CDK19: variants seen among roughly 807,000 people sequenced by gnomAD.
CDK19 encodes cyclin-dependent kinase 19.
CDK19 carries 20 observed loss-of-function variants against 68.3 expected under a neutral mutation model. The observed-to-expected ratio is 0.29, with a 90% CI of 0.21 to 0.43. CDK19 has a LOEUF of 0.43. Among genes scored for constraint, CDK19 ranks in the 20% least tolerant of loss-of-function variants. CDK19 has a pLI of 1.00. For missense variants in CDK19, 339 were observed against 623.5 expected (o/e 0.54, Z 4.86); for synonymous variants, 221 against 222.8 (o/e 0.99, Z 0.07).
Position 110,815,288 on chromosome 6 carries a change from C to T in CDK19, c.-152G>A. The T allele has an allele frequency of 1.2e-6, 1 of 860,552 alleles. No individual in the cohort carries two copies. Among genetic ancestry groups the T allele is most frequent in the East Asian group, 3.5e-5 (1 of 28,800 alleles). The allele number at this position is 860,552 out of a possible 1,614,324, so 53.3% of individuals were successfully genotyped here. On this transcript the variant is annotated 5_prime_UTR_variant, in exon 1 of 13. Transcript: ENST00000368911. The stretch of plus-strand genomic sequence containing the variant: ...CGCCGCCCGCCGCTCCGCGGTCCGC[C>T]TTCAGCAAGGGACTCCTCGGCGGCC...
chr6:110,759,423 A>ATAT (rs1287081298), intron 1 of CDK19, among the ~76,000 whole-genome samples: 2 of 119,024 alleles, frequency 1.7e-5, no homozygotes, highest in African/African-American at 3.6e-5. Context: ...AAAAAAAAAA[A>ATAT]AAAAAATATA....
intron 4 of CDK19, among the ~76,000 whole-genome samples, chr6:110,666,181 C>T (rs1313211541): frequency 5.4e-5 from 8 of 147,168 alleles, no homozygotes; most frequent in Admixed American, 4.8e-4. Context: ...TTTGGGAGGC[C>T]GAGGAGGGTG....
At chr6:110,791,913 T>C (rs1781619048) in intron 1 of CDK19, among the ~76,000 whole-genome samples, 1 of 152,098 alleles carries the variant, frequency 6.6e-6, no homozygotes, top group Non-Finnish European at 1.5e-5. Context: ...CCCAAAGTGC[T>C]GGGATTACAG....
chr6:110,628,985 T>C (rs915751157), intron 6 of CDK19, among the ~76,000 whole-genome samples: 2 of 152,188 alleles, frequency 1.3e-5, no homozygotes, highest in Non-Finnish European at 2.9e-5. Context: ...TCAGCATCCA[T>C]TTCTGAATTC....
At chr6:110,646,008 G>C (rs1355980165) in intron 4 of CDK19, 1 of 1,055,982 alleles carries the variant, frequency 9.5e-7, no homozygotes, top group African/African-American at 1.6e-5. Flanking sequence ...GGGCAAGCAG[G>C]GTGTGCGGTC....
At chr6:110,755,966 T>C (rs111857996) in intron 1 of CDK19, among the ~76,000 whole-genome samples, 8 of 152,106 alleles carry the variant, frequency 5.3e-5, no homozygotes, top group African/African-American at 1.2e-4. Context: ...GAAAAAAATA[T>C]ATATCTATTA....
At chr6:110,729,574 A>C (rs950896535) in intron 2 of CDK19, among the ~76,000 whole-genome samples, 2 of 149,768 alleles carry the variant, frequency 1.3e-5, no homozygotes, top group Admixed American at 1.3e-4. Context: ...GACTACAGGC[A>C]CATGCCACCA....
At chr6:110,713,540 A>G (rs2114702756) in intron 2 of CDK19, among the ~76,000 whole-genome samples, 1 of 150,230 alleles carries the variant, frequency 6.7e-6, no homozygotes, top group South Asian at 2.1e-4. Context: ...CTGAGTAGCT[A>G]GGACTACTAC....
At chr6:110,732,101 G>C (rs547837698) in intron 2 of CDK19, among the ~76,000 whole-genome samples, 3 of 142,386 alleles carry the variant, frequency 2.1e-5, no homozygotes, top group African/African-American at 7.9e-5. Flanking sequence ...TCAGTAAACT[G>C]CGCCATCTAG....
chr6:110,813,495 G>A (rs1783281309), intron 1 of CDK19: 1 of 152,142 alleles, frequency 6.6e-6, no homozygotes, highest in Non-Finnish European at 1.5e-5. Context: ...AACAGGTGGA[G>A]TGGATATTCC....
chr6:110,815,171 G>A lies in CDK19; in HGVS notation c.-35C>T, dbSNP rs1480779148. 1 of 1,555,560 alleles carries A rather than the reference G, an allele frequency of 6.4e-7. No individual in the cohort carries two copies. The highest frequency in any genetic ancestry group is 1.9e-5 in the Admixed American group (1 of 53,528). ...CCCCCATAGAGGCACGGGACGCGGG[G>A]GCCGCCGCCGCTCAGTCCCTCCTCC... On this transcript the variant is annotated 5_prime_UTR_variant, in exon 1 of 13. Transcript: ENST00000368911.
At chr6:110,671,858 A>G (rs766518948) in intron 2 of CDK19, among the ~76,000 whole-genome samples, 22 of 152,124 alleles carry the variant, frequency 1.4e-4, no homozygotes, top group Non-Finnish European at 2.4e-4. Flanking sequence ...GCTCACTGCA[A>G]CCTCCGCCTC....
chr6:110,624,485 ACAAT>A lies in CDK19; in HGVS notation c.861-1127_861-1124del, dbSNP rs1438286953. Among the ~76,000 whole-genome samples the A allele has an allele frequency of 4.6e-5, 7 of 152,294 alleles. No homozygotes were observed. In the South Asian group the frequency reaches 6.2e-4, roughly 14 times the overall value. ...GTATAGAAGAAAATTAAAATCACTC[ACAAT>A]CAAGCCACTCAGTGACAAAAAAACC... On this transcript the variant is annotated intron_variant, in intron 8 of 12. Coordinates refer to ENST00000368911, the MANE Select transcript of CDK19 (RefSeq NM_015076.5).
At chr6:110,723,371 GAGAA>G (rs1397747919) in intron 2 of CDK19, among the ~76,000 whole-genome samples, 1 of 152,086 alleles carries the variant, frequency 6.6e-6, no homozygotes, top group Admixed American at 6.6e-5. Context: ...CCACATGGCT[GAGAA>G]AAATCTATCC....
chr6:110,684,942 C>G (rs1772329788), intron 2 of CDK19, among the ~76,000 whole-genome samples: 1 of 152,056 alleles, frequency 6.6e-6, no homozygotes, highest in Non-Finnish European at 1.5e-5. Flanking sequence ...AGTTAGAGAC[C>G]AGGCTGGCCA....
At chr6:110,778,086 T>C (rs540624848) in intron 1 of CDK19, among the ~76,000 whole-genome samples, 29 of 152,298 alleles carry the variant, frequency 1.9e-4, no homozygotes, top group African/African-American at 6.5e-4. Flanking sequence ...AATATGAATG[T>C]ACTCAATCCC....
At chr6:110,760,211 C>T (rs573074644) in intron 1 of CDK19, among the ~76,000 whole-genome samples, 1 of 151,966 alleles carries the variant, frequency 6.6e-6, no homozygotes, top group South Asian at 2.1e-4. Flanking sequence ...GCCTGGCCAA[C>T]ATAGTGAAAC....
intron 8 of CDK19, among the ~76,000 whole-genome samples, chr6:110,623,921 A>G (rs1405438236): frequency 6.8e-6 from 1 of 147,790 alleles, no homozygotes; most frequent in South Asian, 2.1e-4. Context: ...GTATATATAT[A>G]TACGTGTATA....
chr6:110,638,930 A>G (rs1779953455), intron 4 of CDK19, among the ~76,000 whole-genome samples: 2 of 152,246 alleles, frequency 1.3e-5, no homozygotes, highest in South Asian at 4.1e-4. Flanking sequence ...TTTCAAAATT[A>G]TATCATACAA....
Sources: gnomAD v4.1 joint callset for allele counts (sites outside exome capture counted in the v4.1 genomes callset) on GRCh38, gnomAD v4.1.1 for gene constraint, MANE v1.5 for transcripts, NCBI Gene and HGNC (gene_info 2026-07-23, HGNC 2026-07-21) for gene names.